The following COL6A5 variants were observed in gnomAD, a reference collection of about 807,000 sequenced individuals.
The protein encoded by COL6A5 is collagen type VI alpha 5 chain.
In COL6A5, 48 loss-of-function variants were observed where a neutral mutation model predicts 65.6. That is an observed-to-expected ratio of 0.73 (90% CI 0.58 to 0.93). The LOEUF is 0.93. COL6A5 is among the 40% of genes least tolerant of loss of function. The pLI, the probability that COL6A5 is intolerant of heterozygous loss-of-function variation, is 0.00. For missense variants in COL6A5, 914 were observed against 928.3 expected (o/e 0.98, Z 0.20); for synonymous variants, 291 against 322.8 (o/e 0.90, Z 1.05).
At chr3:130,439,373 G>GTGTC (rs1317825647) in intron 1 of COL6A5, 149 bp from the exon 34 acceptor site, 1 of 555,920 alleles carries the variant, frequency 1.8e-6, no homozygotes, top group African/African-American at 1.9e-5. Flanking sequence ...GTGTGTGTGT[G>GTGTC]TGTGTGAACA....
rs1934445177 is a variant in COL6A5 at position 130,345,831 on chromosome 3, ACCAGG to A, written c.-178_-174del. Reference sequence around the variant, plus strand: ...GCGCGGACCAGGGCGTGCGGCGCGGACCAGGGCTTCCGGCGCGCGCTCTATCCAAC... The same window carrying A: ...GCGCGGACCAGGGCGTGCGGCGCGGAGCTTCCGGCGCGCGCTCTATCCAAC... On this transcript the variant is annotated 5_prime_UTR_variant and NMD_transcript_variant, in exon 1 of 42. Coordinates refer to the COL6A5 transcript ENST00000312481. 1.5e-5 allele frequency: 5 copies of A among 339,118 alleles called. No homozygotes were observed. In the Admixed American group the frequency reaches 2.4e-4, roughly 17 times the overall value. 21.0% of individuals were successfully genotyped at this position (339,118 alleles called of 1,614,324 possible).
exon 1 of COL6A5, chr3:130,431,575 G>A: frequency 1.3e-6 from 2 of 1,551,564 alleles, no homozygotes; most frequent in Non-Finnish European, 1.7e-6. Context: ...CATTGTCAAT[G>A]ACCTTAACAT....
At chr3:130,384,778 T>C (rs906596570) in intron 4 of COL6A5, 26 bp from the exon 5 acceptor site, 13 of 1,488,160 alleles carry the variant, frequency 8.7e-6, no homozygotes, top group African/African-American at 1.4e-5. Context: ...GTTCTCTAAT[T>C]TACAGAGAAT....
At chr3:130,478,691 T>C (rs982111948) in intron 7 of COL6A5, among the ~76,000 whole-genome samples, 2 of 151,918 alleles carry the variant, frequency 1.3e-5, no homozygotes, top group African/African-American at 2.4e-5. Flanking sequence ...TGGGGTGGGG[T>C]GCAGTGGGGA....
intron 7 of COL6A5, among the ~76,000 whole-genome samples, chr3:130,477,943 T>C (rs1439769747): frequency 6.6e-6 from 1 of 152,098 alleles, no homozygotes; most frequent in African/African-American, 2.4e-5. Context: ...CCACAGAATC[T>C]TTTAACAGCA....
rs1202377743 is a variant in COL6A5 at position 130,395,549 on chromosome 3, A to ATAT, written c.3568+84_3568+85insTAT. ...GAGTGTCTTATGGGCTAGCTCTAGC[A>ATAT]GAGCATATATTTAGAACATATATTT... On this transcript the variant is annotated intron_variant and NMD_transcript_variant, in intron 8 of 41. Coordinates refer to the COL6A5 transcript ENST00000312481. The ATAT allele has an allele frequency of 6.8e-5, 67 of 989,008 alleles. 1 individual carries two copies. The Admixed American group carries it at 1.7e-3, about 25-fold the overall frequency. The allele number at this position is 989,008 out of a possible 1,614,324, so 61.3% of individuals were successfully genotyped here. A position where few individuals can be genotyped will look rare whatever the true frequency, so the allele number is the denominator to read the frequency against.
chr3:130,451,660 G>A (rs1019619532), intron 4 of COL6A5, among the ~76,000 whole-genome samples: 2 of 151,988 alleles, frequency 1.3e-5, no homozygotes, highest in South Asian at 2.1e-4. Flanking sequence ...TACATGTGCC[G>A]GCTTTTCATG....
intron 4 of COL6A5, among the ~76,000 whole-genome samples, chr3:130,383,633 G>A (rs1209757141): frequency 1.3e-5 from 2 of 151,958 alleles, no homozygotes; most frequent in Non-Finnish European, 2.9e-5. Context: ...ATTTCCTAAG[G>A]AGCAACTGCC....
At chr3:130,402,704 C>T (rs1011829317) in intron 12 of COL6A5, among the ~76,000 whole-genome samples, 1 of 152,088 alleles carries the variant, frequency 6.6e-6, no homozygotes, top group Non-Finnish European at 1.5e-5. Context: ...ACCAATAATG[C>T]TCTATTTCTT....
At chr3:130,384,355 A>G (rs79629047) in intron 4 of COL6A5, among the ~76,000 whole-genome samples, 1,665 of 152,198 alleles carry the variant, frequency 0.011, 31 homozygotes, top group African/African-American at 0.038. Context: ...AGGTAGGATA[A>G]TATGATCTAA....
intron 7 of COL6A5, among the ~76,000 whole-genome samples, chr3:130,482,654 A>G (rs1335778817): frequency 6.6e-6 from 1 of 152,114 alleles, no homozygotes; most frequent in African/African-American, 2.4e-5. Flanking sequence ...CATTTTCACG[A>G]TATTGATTCT....
At chr3:130,354,778 A>C (rs1170388231) in intron 1 of COL6A5, among the ~76,000 whole-genome samples, 1 of 152,136 alleles carries the variant, frequency 6.6e-6, no homozygotes, top group Non-Finnish European at 1.5e-5. Flanking sequence ...TGGGCTAAGG[A>C]CCTGAATAAT....
intron 7 of COL6A5, among the ~76,000 whole-genome samples, chr3:130,393,821 C>T (rs2107655853): frequency 6.6e-6 from 1 of 152,326 alleles, no homozygotes; most frequent in South Asian, 2.1e-4. Flanking sequence ...CACTTAGTGC[C>T]TGGATGTGGT....
intron 5 of COL6A5, among the ~76,000 whole-genome samples, chr3:130,463,795 CTAAG>C (rs1709752785): frequency 6.6e-6 from 1 of 152,036 alleles, no homozygotes; most frequent in South Asian, 2.1e-4. Context: ...CCTTGTCTCC[CTAAG>C]TAAGATGAAT....
intron 4 of COL6A5, among the ~76,000 whole-genome samples, chr3:130,384,326 C>T (rs902795664): frequency 1.3e-5 from 2 of 151,940 alleles, no homozygotes; most frequent in Non-Finnish European, 2.9e-5. Context: ...GTTCCAAATG[C>T]AACGATAGAT....
chr3:130,452,347 T>A (rs112563988), intron 4 of COL6A5, among the ~76,000 whole-genome samples: 3 of 43,256 alleles, frequency 6.9e-5, no homozygotes, highest in Non-Finnish European at 3.4e-4. Flanking sequence ...AATTCACCCC[T>A]GATATTCATG....
chr3:130,420,358 A>G (rs1937490090), intron 25 of COL6A5, among the ~76,000 whole-genome samples: 2 of 152,104 alleles, frequency 1.3e-5, no homozygotes, highest in Non-Finnish European at 1.5e-5. Flanking sequence ...TTTTTCCTCA[A>G]CATCATTTTT....
chr3:130,448,797 C>T (rs1214344534), intron 4 of COL6A5, among the ~76,000 whole-genome samples: 4 of 152,228 alleles, frequency 2.6e-5, no homozygotes, highest in East Asian at 1.9e-4. Flanking sequence ...CCATTGATAA[C>T]GAGCTGCAGG....
chr3:130,377,718 C>A (rs560028662), intron 3 of COL6A5, among the ~76,000 whole-genome samples: 1 of 152,284 alleles, frequency 6.6e-6, no homozygotes, highest in South Asian at 2.1e-4. Context: ...CCTTACTTAA[C>A]CCTGAGCGTC....
Sources: gnomAD v4.1 joint callset for allele counts (sites outside exome capture counted in the v4.1 genomes callset) on GRCh38, gnomAD v4.1.1 for gene constraint, MANE v1.5 for transcripts, NCBI Gene and HGNC (gene_info 2026-07-23, HGNC 2026-07-21) for gene names.